Variants in TLK1 observed in about 807,000 individuals in gnomAD.
TLK1 encodes serine/threonine-protein kinase tousled-like 1.
Under a neutral mutation model 105.3 loss-of-function variants are expected in TLK1, and 24 were observed. The ratio of observed to expected loss-of-function variants is 0.23; its 90% CI spans 0.17 to 0.32. The LOEUF is 0.32. Among genes scored for constraint, TLK1 ranks in the 10% least tolerant of loss-of-function variants. TLK1 has a pLI of 1.00. For synonymous variants in TLK1, 321 were observed against 310.4 expected, an observed-to-expected ratio of 1.03 and a Z score of -0.36; for missense variants, 558 against 910.5, an observed-to-expected ratio of 0.61 and a Z score of 4.98.
chr2:171,126,984 C>A (rs1184993135), intron 1 of TLK1, among the ~76,000 whole-genome samples: 1 of 151,620 alleles, frequency 6.6e-6, no homozygotes, highest in Non-Finnish European at 1.5e-5. Context: ...CAAAAGAATT[C>A]AAAAGTCTGG....
intron 1 of TLK1, among the ~76,000 whole-genome samples, chr2:171,194,622 C>A (rs1438032266): frequency 6.6e-6 from 1 of 151,886 alleles, no homozygotes; most frequent in Non-Finnish European, 1.5e-5. Flanking sequence ...TCGAGACCAT[C>A]CTGGCTAACA....
intron 11 of TLK1, among the ~76,000 whole-genome samples, chr2:171,041,898 T>C (rs893087874): frequency 2.0e-5 from 3 of 152,228 alleles, no homozygotes; most frequent in Non-Finnish European, 2.9e-5. Context: ...AAAGAAGTTT[T>C]AAAAGATAGT....
chr2:171,207,907 A>T (rs1693536371), intron 1 of TLK1, among the ~76,000 whole-genome samples: 1 of 152,040 alleles, frequency 6.6e-6, no homozygotes, highest in Non-Finnish European at 1.5e-5. Context: ...TTGTATTTTT[A>T]GTAGAGATGG....
intron 1 of TLK1, among the ~76,000 whole-genome samples, chr2:171,135,850 A>C (rs187248705): frequency 6.6e-6 from 1 of 152,266 alleles, no homozygotes; most frequent in East Asian, 1.9e-4. Context: ...AAAATACAAT[A>C]AGATATCACC....
chr2:171,036,358 A>G (rs1686336189), intron 11 of TLK1, among the ~76,000 whole-genome samples: 1 of 152,196 alleles, frequency 6.6e-6, no homozygotes, highest in Admixed American at 6.5e-5. Context: ...AGGCAGGAGA[A>G]TCACTTGAAC....
chr2:171,012,653 A>G (rs1365379145), intron 13 of TLK1, among the ~76,000 whole-genome samples: 1 of 152,026 alleles, frequency 6.6e-6, no homozygotes, highest in African/African-American at 2.4e-5. Context: ...TAATTTTTGT[A>G]TTTTTAATAA....
At chr2:171,176,798 T>C (rs183458769) in intron 1 of TLK1, among the ~76,000 whole-genome samples, 3 of 152,136 alleles carry the variant, frequency 2.0e-5, no homozygotes, top group Admixed American at 2.0e-4. Flanking sequence ...TTCTCTGCCT[T>C]GCTCACTCTC....
intron 1 of TLK1, among the ~76,000 whole-genome samples, chr2:171,169,398 A>G (rs1427955998): frequency 6.6e-6 from 1 of 152,206 alleles, no homozygotes; most frequent in Non-Finnish European, 1.5e-5. Context: ...CATAAAATAT[A>G]TATATACAAT....
chr2:171,165,059 G>A (rs1158251016), upstream of TLK1, among the ~76,000 whole-genome samples: 5 of 152,180 alleles, frequency 3.3e-5, no homozygotes, highest in African/African-American at 4.8e-5. Context: ...AAAGAGACAC[G>A]TGCCACTCTG....
At position 171,006,491 on chromosome 2, in the gene TLK1, T is replaced by G; in HGVS notation, c.1751A>C (p.His584Pro). The change falls in exon 17 of 21, where the codon CAT becomes CCT. Residue 584 changes from histidine to proline, a missense_variant. Coordinates refer to ENST00000431350, the MANE Select transcript of TLK1 (RefSeq NM_012290.5). Reference sequence around the variant, plus strand: ...ATAATTACCTGGCTTAAGATCATAATGTATAATAGGGGGTTTGATCTCATT... The same window carrying G: ...ATAATTACCTGGCTTAAGATCATAAGGTATAATAGGGGGTTTGATCTCATT... The part of the protein sequence containing the change: ...YLNEIKPPII[H>P]YDLKPGNILL... 1 of 1,599,442 alleles carries G rather than the reference T, an allele frequency of 6.3e-7. No individual in the cohort carries two copies. Among genetic ancestry groups the G allele is most frequent in the Non-Finnish European group, 8.5e-7 (1 of 1,174,332 alleles).
chr2:171,001,530 CTGTT>C (rs1408840706), intron 18 of TLK1, among the ~76,000 whole-genome samples: 3 of 152,172 alleles, frequency 2.0e-5, no homozygotes, highest in Non-Finnish European at 4.4e-5. Flanking sequence ...TTTATCTTCT[CTGTT>C]TGAGGCTCCA....
At chr2:171,135,427 G>A (rs2105565469) in intron 1 of TLK1, among the ~76,000 whole-genome samples, 1 of 152,030 alleles carries the variant, frequency 6.6e-6, no homozygotes, top group East Asian at 1.9e-4. Flanking sequence ...CATAGTGTCT[G>A]GAGGCTGAGG....
chr2:171,072,915 C>G (rs1443309793), intron 3 of TLK1, among the ~76,000 whole-genome samples: 1 of 117,248 alleles, frequency 8.5e-6, no homozygotes, highest in African/African-American at 3.1e-5. Context: ...GGCAACAGAG[C>G]AAGACTCTGT....
chr2:171,046,923 A>G (rs945580993), intron 10 of TLK1, among the ~76,000 whole-genome samples: 9 of 152,158 alleles, frequency 5.9e-5, no homozygotes, highest in African/African-American at 2.2e-4. Context: ...GAAGAGAGTT[A>G]TTTTCTAAAT....
At chr2:171,032,675 A>G (rs552955292) in intron 11 of TLK1, among the ~76,000 whole-genome samples, 1 of 152,322 alleles carries the variant, frequency 6.6e-6, no homozygotes, top group South Asian at 2.1e-4. Context: ...GAATACACAT[A>G]TATACCTATG....
intron 12 of TLK1, among the ~76,000 whole-genome samples, chr2:171,015,361 A>C (rs1685123549): frequency 6.6e-6 from 1 of 151,796 alleles, no homozygotes; most frequent in Non-Finnish European, 1.5e-5. Context: ...TTAAAAGAGG[A>C]AGAAAGAAAA....
intron 18 of TLK1, among the ~76,000 whole-genome samples, chr2:171,004,401 A>G (rs1302764715): frequency 6.6e-6 from 1 of 152,142 alleles, no homozygotes; most frequent in East Asian, 1.9e-4. Context: ...TCAAACCTAT[A>G]TTATTCAAGG....
intron 2 of TLK1, among the ~76,000 whole-genome samples, chr2:171,106,847 C>G (rs1400563977): frequency 6.6e-6 from 1 of 152,204 alleles, no homozygotes; most frequent in Non-Finnish European, 1.5e-5. Flanking sequence ...AAAATTACAA[C>G]TTAAAAGACA....
chr2:171,019,035 TCAGA>T (rs1288121307), intron 12 of TLK1, among the ~76,000 whole-genome samples: 1 of 152,046 alleles, frequency 6.6e-6, no homozygotes, highest in Non-Finnish European at 1.5e-5. Flanking sequence ...AAAAGCCAAG[TCAGA>T]CAGGTATACA....
Sources: allele counts gnomAD v4.1 joint callset (sites outside exome capture counted in the v4.1 genomes callset), GRCh38; gene constraint gnomAD v4.1.1; transcripts MANE v1.5; gene names NCBI Gene and HGNC (gene_info 2026-07-23, HGNC 2026-07-21).